JRK: variants seen among roughly 807,000 people sequenced by gnomAD.
JRK encodes jerky protein homolog.
For synonymous variants in JRK, 303 were observed against 218.1 expected, an observed-to-expected ratio of 1.39 and a Z score of -3.43; for missense variants, 720 against 509.2, an observed-to-expected ratio of 1.41 and a Z score of -3.98.
Position 142,661,104 on chromosome 8 carries a change from G to A in JRK, c.*3248C>T. ...CCATCGCATGCTCAGCCATGGCTGA[G>A]CACGAATGAAGCATATGGAAGTCAC... On this transcript the variant is annotated 3_prime_UTR_variant, in exon 2 of 2. Transcript: ENST00000612905. 1.0e-6 allele frequency: 1 copy of A among 985,502 alleles called. No homozygotes were observed. The highest frequency in any genetic ancestry group is 1.7e-5 in the African/African-American group (1 of 57,376). 61.0% of individuals were successfully genotyped at this position (985,502 alleles called of 1,614,324 possible).
At position 142,661,512 on chromosome 8, in the gene JRK, C is replaced by A. The variant is rs1554634561; in HGVS notation, c.*2840G>T. 1.0e-6 allele frequency: 1 copy of A among 985,342 alleles called. No homozygotes were observed. The highest frequency in any genetic ancestry group is 1.2e-6 in the Non-Finnish European group (1 of 829,980). 61.0% of individuals were successfully genotyped at this position (985,342 alleles called of 1,614,324 possible). ...TGGAAGCAGCCACAGAGGTCCCAAACCATATGACGCAGCACCTGCTACCCC... is the reference window on the plus strand; with the variant it reads ...TGGAAGCAGCCACAGAGGTCCCAAAACATATGACGCAGCACCTGCTACCCC... On this transcript the variant is annotated 3_prime_UTR_variant, in exon 2 of 2. Coordinates refer to ENST00000612905, the MANE Select transcript of JRK (RefSeq NM_003724.4).
At chr8:142,653,939 T>A (rs1013026612), downstream of JRK, among the ~76,000 whole-genome samples, 3 of 152,198 alleles carry the variant, frequency 2.0e-5, no homozygotes, top group Non-Finnish European at 4.4e-5. Context: ...GCTCTATGTA[T>A]ATTCAACTCT....
chr8:142,658,815 G>T lies in JRK; in HGVS notation c.*5537C>A. On this transcript the variant is annotated 3_prime_UTR_variant, in exon 2 of 2. Transcript: ENST00000612905. Reference sequence around the variant, plus strand: ...CAAGGGCACTGGTGGGGACAGAGGGGTCTTACCCAGCACTGCCATGTGGCA... The same window carrying T: ...CAAGGGCACTGGTGGGGACAGAGGGTTCTTACCCAGCACTGCCATGTGGCA... The T allele has an allele frequency of 6.3e-7, 1 of 1,595,126 alleles. No homozygotes were observed. The highest frequency in any genetic ancestry group is 8.5e-7 in the Non-Finnish European group (1 of 1,170,694).
the JRK span, among the ~76,000 whole-genome samples, chr8:142,648,546 G>T: frequency 6.6e-6 from 1 of 152,244 alleles, no homozygotes; most frequent in Non-Finnish European, 1.5e-5. Flanking sequence ...TCCACATGGT[G>T]TTGAGCCTGT....
intron 1 of JRK, among the ~76,000 whole-genome samples, chr8:142,668,660 C>T (rs1259293736): frequency 6.6e-6 from 1 of 151,728 alleles, no homozygotes; most frequent in African/African-American, 2.4e-5. Context: ...CTCGCGGACA[C>T]GTCTCCATGC....
chr8:142,660,690 C>A lies in JRK; in HGVS notation c.*3662G>T. The A allele has an allele frequency of 5.1e-6, 5 of 985,402 alleles. No homozygotes were observed. The highest frequency in any genetic ancestry group is 6.0e-6 in the Non-Finnish European group (5 of 829,876). 61.0% of individuals were successfully genotyped at this position (985,402 alleles called of 1,614,324 possible). A position where few individuals can be genotyped will look rare whatever the true frequency, so the allele number is the denominator to read the frequency against. ...GTACTGGGATTTCAGGCAGAAGCCA[C>A]CACACCCGGATCCCCAATAAGCACA... On this transcript the variant is annotated 3_prime_UTR_variant, in exon 2 of 2. Coordinates refer to ENST00000612905, the MANE Select transcript of JRK (RefSeq NM_003724.4).
rs782682091 is a variant in JRK at position 142,664,468 on chromosome 8, GCCT to G, written c.1588_1590del (p.Arg532del). ...ACCACAGCCCCGAGGGCACCACGCC[GCCT>G]CCTCACCTGCTGCTGGCTCCGGAAC... is the stretch of plus-strand genomic sequence containing the variant. On this transcript the variant is annotated inframe_deletion, in exon 2 of 2. Coordinates refer to ENST00000612905, the MANE Select transcript of JRK (RefSeq NM_003724.4). The G allele has an allele frequency of 2.0e-4, 317 of 1,611,166 alleles. No homozygotes were observed. The highest frequency in any genetic ancestry group is 3.3e-4 in the Admixed American group (20 of 59,782).
At position 142,660,688 on chromosome 8, in the gene JRK, C is replaced by T. The variant is rs1386290392; in HGVS notation, c.*3664G>A. Reference sequence around the variant, plus strand: ...GAGTACTGGGATTTCAGGCAGAAGCCACCACACCCGGATCCCCAATAAGCA... The same window carrying T: ...GAGTACTGGGATTTCAGGCAGAAGCTACCACACCCGGATCCCCAATAAGCA... On this transcript the variant is annotated 3_prime_UTR_variant, in exon 2 of 2. Coordinates refer to ENST00000612905, the MANE Select transcript of JRK (RefSeq NM_003724.4). 2 of 985,220 alleles carry T rather than the reference C, an allele frequency of 2.0e-6. No homozygotes were observed. Among genetic ancestry groups the T allele is most frequent in the South Asian group, 4.7e-5 (1 of 21,284 alleles). 61.0% of individuals were successfully genotyped at this position (985,220 alleles called of 1,614,324 possible).
At chr8:142,646,834 A>C in the JRK span, among the ~76,000 whole-genome samples, 1 of 152,230 alleles carries the variant, frequency 6.6e-6, no homozygotes, top group Non-Finnish European at 1.5e-5. Flanking sequence ...AAATAGTCAT[A>C]TTAGTCATAC....
Position 142,661,465 on chromosome 8 carries a change from G to GCAGGGGTGCCACCCC in JRK, c.*2886_*2887insGGGGTGGCACCCCTG. On this transcript the variant is annotated 3_prime_UTR_variant, in exon 2 of 2. Coordinates refer to ENST00000612905, the MANE Select transcript of JRK (RefSeq NM_003724.4). ...CACCCCAAAGATGAAGGCAGTGGTG[G>GCAGGGGTGCCACCCC]AAAGAGGTTCTATTAGCAGGCTGGA... 1 of 985,568 alleles carries GCAGGGGTGCCACCCC rather than the reference G, an allele frequency of 1.0e-6. No homozygotes were observed. The highest frequency in any genetic ancestry group is 1.2e-6 in the Non-Finnish European group (1 of 830,020). The allele number at this position is 985,568 out of a possible 1,614,324, so 61.1% of individuals were successfully genotyped here.
chr8:142,663,450 G>A lies in JRK; in HGVS notation c.*902C>T. 1 of 985,480 alleles carries A rather than the reference G, an allele frequency of 1.0e-6. No homozygotes were observed. Among genetic ancestry groups the A allele is most frequent in the African/African-American group, 1.7e-5 (1 of 57,374 alleles). 61.0% of individuals were successfully genotyped at this position (985,480 alleles called of 1,614,324 possible). A position where few individuals can be genotyped will look rare whatever the true frequency, so the allele number is the denominator to read the frequency against. On this transcript the variant is annotated 3_prime_UTR_variant, in exon 2 of 2. Transcript: ENST00000612905. ...AGCAGCCTGTTTTACTGTTTTCAGT[G>A]ACTTACGTGCAAACCTAAGACTAAT...
Position 142,664,692 on chromosome 8 carries a change from G to C in JRK, c.1367C>G (p.Thr456Arg). ...EAEGGRPPAA[T>R]SPAEVVWSSE... ...ACTCCACACAACCTCTGCTGGCGAC[G>C]TGGCAGCAGGGGGCCGTCCCCCTTC... Residue 456 changes from threonine (T) to arginine (R), a missense_variant, in exon 2 of 2, where the codon ACG (threonine) becomes AGG (arginine). Thr to Arg is a moderately conservative substitution (Grantham distance 71, BLOSUM62 -1). Transcript: ENST00000612905. 1 of 1,609,526 alleles carries C rather than the reference G, an allele frequency of 6.2e-7. No individual in the cohort carries two copies. Among genetic ancestry groups the C allele is most frequent in the Non-Finnish European group, 8.5e-7 (1 of 1,178,444 alleles).
intron 1 of JRK, among the ~76,000 whole-genome samples, chr8:142,668,319 G>A (rs1202837340): frequency 1.3e-5 from 2 of 152,220 alleles, no homozygotes; most frequent in Admixed American, 1.3e-4. Context: ...AGGCTTGTTG[G>A]CTGCCACCTC....
downstream of JRK, among the ~76,000 whole-genome samples, chr8:142,655,408 A>G (rs149919580): frequency 6.6e-5 from 10 of 152,356 alleles, no homozygotes; most frequent in African/African-American, 2.2e-4. Flanking sequence ...GTTCCAGGAC[A>G]ACAGGTGCCA....
rs909526935 is a variant in JRK, at chr8:142,660,943, C to A, written c.*3409G>T. The A allele has an allele frequency of 8.1e-6, 8 of 985,516 alleles. No individual in the cohort carries two copies. Among genetic ancestry groups the A allele is most frequent in the Non-Finnish European group, 9.6e-6 (8 of 829,990 alleles). The allele number at this position is 985,516 out of a possible 1,614,324, so 61.0% of individuals were successfully genotyped here. On this transcript the variant is annotated 3_prime_UTR_variant, in exon 2 of 2. Coordinates refer to ENST00000612905, the MANE Select transcript of JRK (RefSeq NM_003724.4). Reference sequence around the variant, plus strand: ...GGGACAACTGATGACAGTCCTCCAACCCCAGCGAGCTGGGGAAGCCGTGGG... The same window carrying A: ...GGGACAACTGATGACAGTCCTCCAAACCCAGCGAGCTGGGGAAGCCGTGGG...
chr8:142,665,671 C>T lies in JRK; in HGVS notation c.388G>A (p.Val130Met), dbSNP rs1587529114. ...YEQMQLTEPCVFSGGWLWRFK... is the reference protein window; with the variant it reads ...YEQMQLTEPCMFSGGWLWRFK... ...CGCCAAAGCCACCCTCCGGAGAACA[C>T]GCAGGGCTCAGTGAGCTGCATCTGC... The change falls in exon 2 of 2, where the codon GTG (valine) becomes ATG (methionine). Residue 130 changes from valine to methionine, a missense_variant. Physicochemically the swap from Val to Met is conservative, Grantham distance 21. Transcript: ENST00000612905. The T allele has an allele frequency of 2.8e-6, 2 of 725,374 alleles. No individual in the cohort carries two copies. Among genetic ancestry groups the T allele is most frequent in the Non-Finnish European group, 2.6e-6 (1 of 389,078 alleles). 44.9% of individuals were successfully genotyped at this position (725,374 alleles called of 1,614,324 possible). A position where few individuals can be genotyped will look rare whatever the true frequency, so the allele number is the denominator to read the frequency against.
In JRK at chr8:142,663,809, AG is replaced by A; in HGVS notation, c.*542del. 1 of 986,394 alleles carries A rather than the reference AG, an allele frequency of 1.0e-6. No individual in the cohort carries two copies. Among genetic ancestry groups the A allele is most frequent in the Non-Finnish European group, 1.2e-6 (1 of 830,666 alleles). 61.1% of individuals were successfully genotyped at this position (986,394 alleles called of 1,614,324 possible). ...GGCCTGTTCAGCCGCTAGCAGGCCA[AG>A]AACTGAGTCCCAGCTCTCGGGCCAT... is the stretch of plus-strand genomic sequence containing the variant. On this transcript the variant is annotated 3_prime_UTR_variant, in exon 2 of 2. Transcript: ENST00000612905.
chr8:142,651,979 T>C, the JRK span, among the ~76,000 whole-genome samples: 3 of 151,514 alleles, frequency 2.0e-5, no homozygotes, highest in Non-Finnish European at 4.4e-5. Context: ...AACTTGCCTG[T>C]CTTGTGTTGG....
In JRK at chr8:142,664,545, G is replaced by A. The variant is rs1554635160; in HGVS notation, c.1514C>T (p.Pro505Leu). The A allele has an allele frequency of 6.2e-7, 1 of 1,607,878 alleles. No individual in the cohort carries two copies. Among genetic ancestry groups the A allele is most frequent in the East Asian group, 2.2e-5 (1 of 44,702 alleles). ...CCCCACTTCCTGCGCACTGAAGCAT[G>A]GCTGCCGCTCCGCAAAGCGCAGGAC... ...DAVLRFAERQ[P>L]CFSAQEVGQL... Residue 505 changes from proline to leucine, a missense_variant, in exon 2 of 2, where the codon CCA becomes CTA. Physicochemically the swap from Pro to Leu is moderately conservative, Grantham distance 98. Transcript: ENST00000612905.
Sources: allele counts gnomAD v4.1 joint callset (sites outside exome capture counted in the v4.1 genomes callset), GRCh38; gene constraint gnomAD v4.1.1; transcripts MANE v1.5; gene names NCBI Gene and HGNC (gene_info 2026-07-23, HGNC 2026-07-21).